The following DEPDC1B variants were observed in gnomAD, a reference collection of about 807,000 sequenced individuals.
DEPDC1B encodes DEP domain-containing protein 1B.
In DEPDC1B, 51 loss-of-function variants were observed where a neutral mutation model predicts 66.5. That is an observed-to-expected ratio of 0.77 (90% CI 0.61 to 0.97). The LOEUF (loss-of-function observed/expected upper bound fraction) is 0.97. Ranked by LOEUF, DEPDC1B falls within the 50% of genes least tolerant of loss-of-function variation. The probability of loss-of-function intolerance (pLI) is 0.00; values close to 1 mark genes in which losing one functional copy is unlikely to be tolerated. For missense variants in DEPDC1B, 552 were observed against 637.1 expected (o/e 0.87, Z 1.44); for synonymous variants, 226 against 223.6 (o/e 1.01, Z -0.10).
At chr5:60,613,733 C>A (rs1302996086) in intron 7 of DEPDC1B, among the ~76,000 whole-genome samples, 1 of 151,036 alleles carries the variant, frequency 6.6e-6, no homozygotes, top group Non-Finnish European at 1.5e-5. Flanking sequence ...ACAACTATTT[C>A]CTCAAAATGA....
chr5:60,601,681 T>C (rs1474197118), intron 9 of DEPDC1B, among the ~76,000 whole-genome samples: 3 of 152,202 alleles, frequency 2.0e-5, no homozygotes, highest in Non-Finnish European at 2.9e-5. Flanking sequence ...AATTATGGTA[T>C]ATCCATATTA....
chr5:60,634,671 C>CAA (rs759251998), intron 7 of DEPDC1B, among the ~76,000 whole-genome samples: 9 of 113,840 alleles, frequency 7.9e-5, no homozygotes, highest in East Asian at 4.5e-4. Context: ...GACTCTGTCT[C>CAA]AAAAAAATAA....
intron 8 of DEPDC1B, among the ~76,000 whole-genome samples, chr5:60,604,215 A>ATTATTTTTTTTTTT (rs1323826916): frequency 6.7e-5 from 4 of 60,122 alleles, no homozygotes; most frequent in East Asian, 6.1e-4. Flanking sequence ...GAAATTAACT[A>ATTATTTTTTTTTTT]TTCTTTTTTT....
intron 6 of DEPDC1B, 134 bp downstream of exon 6, chr5:60,642,678 A>C: frequency 4.7e-6 from 3 of 642,606 alleles, no homozygotes; most frequent in Non-Finnish European, 2.7e-6. Flanking sequence ...CTAAAAGCAC[A>C]GTAGTCCCAA....
At chr5:60,647,088 C>T (rs965653425) in intron 3 of DEPDC1B, among the ~76,000 whole-genome samples, 3 of 151,436 alleles carry the variant, frequency 2.0e-5, no homozygotes, top group African/African-American at 7.3e-5. Context: ...CCCGAAACCA[C>T]CCCCACCCCC....
rs377177058 is a variant in DEPDC1B, at chr5:60,643,210, T to C, written c.710-351A>G. Among the ~76,000 whole-genome samples the C allele has an allele frequency of 1.1e-4, 16 of 151,904 alleles. No homozygotes were observed. In the East Asian group the frequency reaches 2.5e-3, roughly 24 times the overall value. On this transcript the variant is annotated intron_variant, in intron 5 of 10. Transcript: ENST00000265036. The stretch of plus-strand genomic sequence containing the variant: ...ACAAAAAGAAAAAGAAAAGAAAAAA[T>C]ATTAGTCGTCAAACACATTTGTGAA...
At chr5:60,612,406 G>A (rs1383396056) in intron 7 of DEPDC1B, among the ~76,000 whole-genome samples, 2 of 144,292 alleles carry the variant, frequency 1.4e-5, no homozygotes, top group African/African-American at 2.6e-5. Flanking sequence ...CTGGGCAACA[G>A]CACAAGACTC....
chr5:60,672,730 G>C (rs555089301), intron 2 of DEPDC1B, among the ~76,000 whole-genome samples: 1 of 152,312 alleles, frequency 6.6e-6, no homozygotes, highest in Admixed American at 6.5e-5. Flanking sequence ...CAGAGATTCA[G>C]AGAGTGTCAG....
intron 6 of DEPDC1B, among the ~76,000 whole-genome samples, chr5:60,640,318 G>A (rs979669936): frequency 3.3e-5 from 5 of 151,838 alleles, no homozygotes; most frequent in South Asian, 2.1e-4. Context: ...ATAAGTATAC[G>A]GTTCATTCTA....
intron 7 of DEPDC1B, among the ~76,000 whole-genome samples, chr5:60,633,540 G>A (rs963801406): frequency 6.6e-6 from 1 of 152,210 alleles, no homozygotes; most frequent in African/African-American, 2.4e-5. Context: ...TTGGCCTGCT[G>A]GAGGGAGACA....
intron 2 of DEPDC1B, among the ~76,000 whole-genome samples, chr5:60,653,396 C>A (rs773276768): frequency 7.6e-5 from 10 of 131,678 alleles, no homozygotes; most frequent in Non-Finnish European, 1.4e-4. Context: ...ATTCGCATAT[C>A]TTTTTTTGAG....
At chr5:60,677,326 ACT>A (rs70975391) in intron 2 of DEPDC1B, among the ~76,000 whole-genome samples, 2,375 of 108,370 alleles carry the variant, frequency 0.022, 38 homozygotes, top group African/African-American at 0.056. Flanking sequence ...ACACACACAC[ACT>A]CTCTCTCTCT....
chr5:60,646,833 G>A (rs768235899), intron 3 of DEPDC1B, among the ~76,000 whole-genome samples: 2 of 152,190 alleles, frequency 1.3e-5, no homozygotes, highest in East Asian at 1.9e-4. Context: ...TCATAGGAGC[G>A]TGAACCCTTT....
At chr5:60,622,150 T>C (rs1490706234) in intron 7 of DEPDC1B, among the ~76,000 whole-genome samples, 1 of 152,076 alleles carries the variant, frequency 6.6e-6, no homozygotes, top group African/African-American at 2.4e-5. Context: ...GACAAATGCA[T>C]ATCCCCATGT....
At chr5:60,605,609 C>A (rs1752292934) in intron 8 of DEPDC1B, 81 bp downstream of exon 8, 1 of 1,481,024 alleles carries the variant, frequency 6.8e-7, no homozygotes, top group Non-Finnish European at 9.1e-7. Flanking sequence ...TTGTACTTCC[C>A]TCTGATCACC....
chr5:60,621,199 T>C lies in DEPDC1B; in HGVS notation c.899-15343A>G, dbSNP rs562276613. Among the ~76,000 whole-genome samples, 273 of 151,664 alleles carry C rather than the reference T, an allele frequency of 1.8e-3. 5 individuals are homozygous for C. In the South Asian group the frequency reaches 0.052, roughly 29 times the overall value. On this transcript the variant is annotated intron_variant, in intron 7 of 10. Coordinates refer to ENST00000265036, the MANE Select transcript of DEPDC1B (RefSeq NM_018369.3). Reference sequence around the variant, plus strand: ...ATATATCTAATGTTAAATGACGAGTTAATGGGTGCAGCACACCAACATGGC... The same window carrying C: ...ATATATCTAATGTTAAATGACGAGTCAATGGGTGCAGCACACCAACATGGC...
chr5:60,617,455 A>C (rs1752586774), intron 7 of DEPDC1B, among the ~76,000 whole-genome samples: 1 of 152,166 alleles, frequency 6.6e-6, no homozygotes. Context: ...CTGCGAAGCA[A>C]ATGGAAAACA....
chr5:60,670,529 TGAAAAA>T (rs1168398530), intron 2 of DEPDC1B, among the ~76,000 whole-genome samples: 5 of 151,892 alleles, frequency 3.3e-5, no homozygotes. Context: ...AAAATGTATA[TGAAAAA>T]GAAAAAGAAC....
At chr5:60,677,544 C>A (rs1754198689) in intron 2 of DEPDC1B, among the ~76,000 whole-genome samples, 2 of 151,232 alleles carry the variant, frequency 1.3e-5, no homozygotes, top group Admixed American at 6.6e-5. Flanking sequence ...TTTATTTTTT[C>A]TTTTTTTTAT....
Sources: gnomAD v4.1 joint callset for allele counts (sites outside exome capture counted in the v4.1 genomes callset) on GRCh38, gnomAD v4.1.1 for gene constraint, MANE v1.5 for transcripts, NCBI Gene and HGNC (gene_info 2026-07-23, HGNC 2026-07-21) for gene names.